The following PMEPA1 variants were observed in gnomAD, a reference collection of about 807,000 sequenced individuals.
PMEPA1 encodes prostate transmembrane protein, androgen induced 1.
Under a neutral mutation model 23.0 loss-of-function variants are expected in PMEPA1, and 11 were observed. The ratio of observed to expected loss-of-function variants is 0.48; its 90% CI spans 0.30 to 0.79. The LOEUF (loss-of-function observed/expected upper bound fraction) is 0.79, where lower values mean the gene tolerates loss of function less well. Among genes scored for constraint, PMEPA1 ranks in the 30% least tolerant of loss-of-function variants. PMEPA1 has a pLI of 0.06. For synonymous variants in PMEPA1, 204 were observed against 166.4 expected (o/e 1.23, Z -1.74); for missense variants, 377 against 390.9 (o/e 0.96, Z 0.30).
intron 1 of PMEPA1, among the ~76,000 whole-genome samples, chr20:57,667,399 G>A (rs549380323): frequency 3.0e-4 from 46 of 152,266 alleles, no homozygotes; most frequent in Non-Finnish European, 4.9e-4. Flanking sequence ...GGCACTAGGC[G>A]GGGAGGTGCG....
chr20:57,687,303 T>C (rs1189885129), intron 1 of PMEPA1, among the ~76,000 whole-genome samples: 2 of 152,208 alleles, frequency 1.3e-5, no homozygotes, highest in African/African-American at 2.4e-5. Context: ...CTCCGCAAGA[T>C]AGCACATCAG....
intron 1 of PMEPA1, among the ~76,000 whole-genome samples, chr20:57,688,898 C>A (rs1311138828): frequency 1.3e-5 from 2 of 152,178 alleles, no homozygotes; most frequent in African/African-American, 2.4e-5. Context: ...GGTGAGCATT[C>A]CCTGAGCGGG....
chr20:57,688,079 C>T (rs558065775), intron 1 of PMEPA1, among the ~76,000 whole-genome samples: 55 of 152,200 alleles, frequency 3.6e-4, no homozygotes, highest in African/African-American at 1.2e-3. Context: ...CATCTCGGGA[C>T]GGCCTCAGCT....
At chr20:57,688,883 G>A (rs959845035) in intron 1 of PMEPA1, among the ~76,000 whole-genome samples, 1 of 152,172 alleles carries the variant, frequency 6.6e-6, no homozygotes, top group Admixed American at 6.5e-5. Context: ...GAGGCACCCA[G>A]GCATGGTGAG....
chr20:57,653,974 G>A (rs534094444), intron 2 of PMEPA1, among the ~76,000 whole-genome samples: 2 of 152,262 alleles, frequency 1.3e-5, no homozygotes, highest in Non-Finnish European at 2.9e-5. Flanking sequence ...AAACAGGAGA[G>A]TTGAGGAAAG....
chr20:57,706,877 C>T (rs944550524), intron 1 of PMEPA1, among the ~76,000 whole-genome samples: 1 of 152,146 alleles, frequency 6.6e-6, no homozygotes, highest in Non-Finnish European at 1.5e-5. Flanking sequence ...GAAGACCACA[C>T]AGGGGAACCA....
Position 57,659,583 on chromosome 20 carries a change from C to G in PMEPA1, c.224G>C (p.Arg75Pro), listed in dbSNP as rs750581296. Residue 75 changes from arginine to proline, a missense_variant, in exon 2 of 4, where the codon CGG becomes CCG. Arg to Pro is a moderately radical substitution (Grantham distance 103, BLOSUM62 -2). Around this residue, in one of 3 missense-constraint regions of PMEPA1, gnomAD observed 198 missense variants for 196.3 expected, o/e 1.01. Coordinates refer to ENST00000341744, the MANE Select transcript of PMEPA1 (RefSeq NM_020182.5). ...TTCTCTCCTCCGCCCCTGGCTGTGCCGGCTGATGAAGGACCGTGCAGACAG... is the reference window on the plus strand; with the variant it reads ...TTCTCTCCTCCGCCCCTGGCTGTGCGGGCTGATGAAGGACCGTGCAGACAG... The part of the protein sequence containing the change: ...YKLSARSFIS[R>P]HSQGRRREDA... 2.5e-6 allele frequency: 4 copies of G among 1,613,760 alleles called. No homozygotes were observed. The Admixed American group carries it at 6.7e-5, about 27-fold the overall frequency.
At chr20:57,673,229 C>A (rs995766599) in intron 1 of PMEPA1, among the ~76,000 whole-genome samples, 2 of 152,136 alleles carry the variant, frequency 1.3e-5, no homozygotes, top group African/African-American at 4.8e-5. Flanking sequence ...GGGGTGCCTG[C>A]CCTCCTCCTG....
chr20:57,671,698 A>G (rs973611482), intron 1 of PMEPA1, among the ~76,000 whole-genome samples: 3 of 152,182 alleles, frequency 2.0e-5, no homozygotes, highest in Admixed American at 1.3e-4. Context: ...GATGACATAA[A>G]TCTACGCTGA....
intron 1 of PMEPA1, among the ~76,000 whole-genome samples, chr20:57,692,663 A>T (rs1401997138): frequency 1.3e-5 from 2 of 152,182 alleles, no homozygotes; most frequent in African/African-American, 4.8e-5. Flanking sequence ...GTCCCACCCC[A>T]TGCCAGCCGG....
At chr20:57,710,519 T>A (rs2072164418), upstream of PMEPA1, 1 of 1,582,556 alleles carries the variant, frequency 6.3e-7, no homozygotes, top group South Asian at 1.2e-5. Context: ...TCGGGGATCA[T>A]GGCCCACTGA....
At chr20:57,681,897 CCTT>C (rs2071721508) in intron 1 of PMEPA1, among the ~76,000 whole-genome samples, 2 of 152,320 alleles carry the variant, frequency 1.3e-5, no homozygotes, top group Middle Eastern at 3.4e-3. Flanking sequence ...ACCGCTGACT[CCTT>C]CTCATCCCTC....
intron 1 of PMEPA1, among the ~76,000 whole-genome samples, chr20:57,694,709 T>C (rs1410011842): frequency 6.6e-6 from 1 of 152,204 alleles, no homozygotes; most frequent in East Asian, 1.9e-4. Flanking sequence ...TGTAGCGCCA[T>C]GTAAGACAAG....
chr20:57,710,143 G>T, upstream of PMEPA1: 1 of 701,282 alleles, frequency 1.4e-6, no homozygotes, highest in Non-Finnish European at 1.9e-6. Context: ...GACGGGAAAC[G>T]GGGCGGGCTC....
At chr20:57,660,088 C>T (rs1037129273) in intron 1 of PMEPA1, among the ~76,000 whole-genome samples, 1 of 152,178 alleles carries the variant, frequency 6.6e-6, no homozygotes, top group Non-Finnish European at 1.5e-5. Flanking sequence ...GGGAGCCCTG[C>T]GCACTGGCTC....
chr20:57,648,784 T>G lies in PMEPA1; in HGVS notation c.*3269A>C, dbSNP rs935640528. 2.0e-5 allele frequency: 3 copies of G among 152,222 alleles called. No individual in the cohort carries two copies. The highest frequency in any genetic ancestry group is 2.0e-4 in the Admixed American group (3 of 15,290). The allele number at this position is 152,222 out of a possible 1,614,324, so 9.4% of individuals were successfully genotyped here. A position where few individuals can be genotyped will look rare whatever the true frequency, so the allele number is the denominator to read the frequency against. On this transcript the variant is annotated 3_prime_UTR_variant, in exon 4 of 4. Coordinates refer to ENST00000341744, the MANE Select transcript of PMEPA1 (RefSeq NM_020182.5). ...ACAACAACAACGACATTTTCTTTCC[T>G]TATCGACGGGATATTTTATGGTTCT...
chr20:57,679,732 G>C (rs978593419), intron 1 of PMEPA1, among the ~76,000 whole-genome samples: 6 of 152,228 alleles, frequency 3.9e-5, no homozygotes, highest in Non-Finnish European at 7.3e-5. Flanking sequence ...TGGTCACCTG[G>C]CACTGTGAGT....
intron 1 of PMEPA1, among the ~76,000 whole-genome samples, chr20:57,677,560 G>C (rs149937853): frequency 6.6e-6 from 1 of 152,128 alleles, no homozygotes; most frequent in African/African-American, 2.4e-5. Context: ...CCCAGCACTC[G>C]CATCTTTCCA....
chr20:57,709,288 A>T (rs1344519196), intron 1 of PMEPA1, among the ~76,000 whole-genome samples, 186 bp downstream of exon 1: 1 of 146,160 alleles, frequency 6.8e-6, no homozygotes, highest in African/African-American at 2.5e-5. Context: ...CCGCGGGACA[A>T]AGCCGGGCCG....
Sources: allele counts gnomAD v4.1 joint callset (sites outside exome capture counted in the v4.1 genomes callset), GRCh38; gene constraint gnomAD v4.1.1; regional missense constraint gnomAD v4.1.1; transcripts MANE v1.5; gene names NCBI Gene and HGNC (gene_info 2026-07-23, HGNC 2026-07-21).